HMGXB4: variants seen among roughly 807,000 people sequenced by gnomAD.
HMGXB4 encodes the protein HMG domain-containing protein 4.
HMGXB4 carries 27 observed loss-of-function variants against 63.9 expected under a neutral mutation model. That is an observed-to-expected ratio of 0.42 (90% CI 0.31 to 0.58). The LOEUF (loss-of-function observed/expected upper bound fraction) is 0.58. Among genes scored for constraint, HMGXB4 ranks in the 20% least tolerant of loss-of-function variants. The pLI is 0.13. For missense variants in HMGXB4, 624 were observed against 700.7 expected (o/e 0.89, Z 1.24); for synonymous variants, 264 against 265.3 (o/e 0.99, Z 0.05).
At chr22:35,290,509 G>A (rs1924862102) in intron 9 of HMGXB4, among the ~76,000 whole-genome samples, 1 of 151,900 alleles carries the variant, frequency 6.6e-6, no homozygotes, top group Non-Finnish European at 1.5e-5. Context: ...GCTGGGCGTG[G>A]TGGCGGGCGC....
chr22:35,255,116 T>C (rs139178110), upstream of HMGXB4, among the ~76,000 whole-genome samples: 20 of 152,346 alleles, frequency 1.3e-4, 1 homozygote, highest in East Asian at 3.9e-3. Flanking sequence ...CCTTTACTCA[T>C]AGTGATTGCT....
In HMGXB4 at chr22:35,270,143, C is replaced by T. The variant is rs75350696; in HGVS notation, c.1215+4540C>T. 1.1e-4 allele frequency among the ~76,000 whole-genome samples: 16 copies of T among 152,336 alleles called. No homozygotes were observed. In the East Asian group the frequency reaches 3.1e-3, roughly 29 times the overall value. On this transcript the variant is annotated intron_variant, in intron 5 of 10. Coordinates refer to ENST00000216106, the MANE Select transcript of HMGXB4 (RefSeq NM_001003681.3). Reference sequence around the variant, plus strand: ...TCCGCGGCCTGTGGGGAACCAGCCACATAGCAGGAGTTGAGTGGCGGGCAA... The same window carrying T: ...TCCGCGGCCTGTGGGGAACCAGCCATATAGCAGGAGTTGAGTGGCGGGCAA...
chr22:35,273,688 C>T lies in HMGXB4; in HGVS notation c.1215+8085C>T, dbSNP rs1474172030. Reference sequence around the variant, plus strand: ...AATACCCTACCTTAATATAACCTCCCACCTTTAGGAACCAAATCTGTGATT... The same window carrying T: ...AATACCCTACCTTAATATAACCTCCTACCTTTAGGAACCAAATCTGTGATT... On this transcript the variant is annotated intron_variant, in intron 5 of 10. Transcript: ENST00000216106. Among the ~76,000 whole-genome samples, 10 of 152,158 alleles carry T rather than the reference C, an allele frequency of 6.6e-5. No individual in the cohort carries two copies. The East Asian group carries it at 1.9e-3, about 29-fold the overall frequency.
At chr22:35,290,865 G>A (rs1273329322) in intron 9 of HMGXB4, among the ~76,000 whole-genome samples, 2 of 151,830 alleles carry the variant, frequency 1.3e-5, no homozygotes, top group Non-Finnish European at 2.9e-5. Flanking sequence ...TTTTTTTAAT[G>A]TACATCGTAA....
chr22:35,247,800 T>C, the HMGXB4 span, among the ~76,000 whole-genome samples: 2 of 152,200 alleles, frequency 1.3e-5, no homozygotes, highest in Non-Finnish European at 2.9e-5. Context: ...ATCTGGTCCC[T>C]GTTACTCCAA....
chr22:35,262,519 G>T, intron 2 of HMGXB4, 98 bp downstream of exon 2: 1 of 1,209,192 alleles, frequency 8.3e-7, no homozygotes, highest in Non-Finnish European at 1.2e-6. Context: ...CCACAGCCTG[G>T]ACTCCCAAGT....
At chr22:35,243,854 T>C in the HMGXB4 span, among the ~76,000 whole-genome samples, 1 of 152,350 alleles carries the variant, frequency 6.6e-6, no homozygotes, top group East Asian at 1.9e-4. Flanking sequence ...AACAGTTCTT[T>C]CCTTAATGCA....
intron 5 of HMGXB4, among the ~76,000 whole-genome samples, chr22:35,281,895 A>G (rs1924263901): frequency 6.6e-6 from 1 of 152,220 alleles, no homozygotes; most frequent in African/African-American, 2.4e-5. Flanking sequence ...TATTCATCAA[A>G]TGATTTCAGA....
chr22:35,285,015 ATCATTCAGAAATTTGG>A (rs1924479725), intron 6 of HMGXB4, among the ~76,000 whole-genome samples: 1 of 152,250 alleles, frequency 6.6e-6, no homozygotes, highest in African/African-American at 2.4e-5. Context: ...TTTGGTTCTA[ATCATTCAGAAATTTGG>A]TAAAAACCTA....
At chr22:35,252,872 C>T (rs1326937577), upstream of HMGXB4, among the ~76,000 whole-genome samples, 1 of 152,148 alleles carries the variant, frequency 6.6e-6, no homozygotes, top group Admixed American at 6.5e-5. Flanking sequence ...CATGATGGCA[C>T]GCGCCTGTAA....
At chr22:35,268,007 C>A (rs975900098) in intron 5 of HMGXB4, among the ~76,000 whole-genome samples, 1 of 152,114 alleles carries the variant, frequency 6.6e-6, no homozygotes, top group African/African-American at 2.4e-5. Context: ...TCGCTTGAGC[C>A]CAGGAGGCAG....
In HMGXB4 at chr22:35,265,577, G is replaced by A. The variant is rs1048268320; in HGVS notation, c.1189G>A (p.Asp397Asn). 10 of 1,591,714 alleles carry A rather than the reference G, an allele frequency of 6.3e-6. No homozygotes were observed. In the African/African-American group the frequency reaches 1.2e-4, roughly 20 times the overall value. ...AAAAAAAAAGAAAAAAGAAGAGAAG[G>A]ACAAAGAGAGAGAGAGAGGAGAAAA... ...SEKKKKKEEKDKERERGEKPK... is the reference protein window; with the variant it reads ...SEKKKKKEEKNKERERGEKPK... Residue 397 changes from aspartate to asparagine, a missense_variant, in exon 5 of 11, where the codon GAC (aspartate) becomes AAC (asparagine). Coordinates refer to ENST00000216106, the MANE Select transcript of HMGXB4 (RefSeq NM_001003681.3).
chr22:35,288,204 G>C, intron 8 of HMGXB4, 34 bp from the exon 9 acceptor site: 1 of 1,415,064 alleles, frequency 7.1e-7, no homozygotes, highest in African/African-American at 1.5e-5. Flanking sequence ...CTGTAGGCAA[G>C]TTTTACCTGT....
chr22:35,263,502 C>T (rs1923000375), intron 3 of HMGXB4, among the ~76,000 whole-genome samples: 1 of 152,042 alleles, frequency 6.6e-6, no homozygotes, highest in African/African-American at 2.4e-5. Flanking sequence ...AGGCAGGTCT[C>T]AAACTCCTGA....
chr22:35,287,439 C>G lies in HMGXB4; in HGVS notation c.1455C>G (p.Ser485=), dbSNP rs566365924. 3.1e-6 allele frequency: 5 copies of G among 1,611,990 alleles called. No individual in the cohort carries two copies. In the African/African-American group the frequency reaches 5.3e-5, roughly 17 times the overall value. The change falls in exon 8 of 11, where the codon TCC becomes TCG. Residue 485 remains serine (S), a synonymous_variant. Coordinates refer to ENST00000216106, the MANE Select transcript of HMGXB4 (RefSeq NM_001003681.3). ...GGAAAGCATCCAGCTCAGAAGGTTCCATGAAAGTCAAAGGTAGTGACCACA... is the reference window on the plus strand; with the variant it reads ...GGAAAGCATCCAGCTCAGAAGGTTCGATGAAAGTCAAAGGTAGTGACCACA... ...VKRKASSSEG[S]MKVKASSVGV... is the part of the protein sequence containing the mutation.
intron 4 of HMGXB4, chr22:35,264,131 A>G (rs770462343): frequency 2.2e-5 from 29 of 1,328,606 alleles, no homozygotes; most frequent in Non-Finnish European, 3.0e-5. Context: ...TCATCCACTT[A>G]TCTTGTGCCC....
At chr22:35,261,513 A>G (rs1160118224) in intron 1 of HMGXB4, among the ~76,000 whole-genome samples, 1 of 152,106 alleles carries the variant, frequency 6.6e-6, no homozygotes, top group East Asian at 1.9e-4. Context: ...ATGGACATAT[A>G]AACTCAAATG....
upstream of HMGXB4, among the ~76,000 whole-genome samples, chr22:35,253,144 A>AG (rs1555886254): frequency 3.3e-4 from 42 of 125,376 alleles, 1 homozygote; most frequent in East Asian, 5.0e-3. Context: ...AAAAAAAAAA[A>AG]AAAAAAGAAA....
At chr22:35,266,861 A>G (rs1443706078) in intron 5 of HMGXB4, among the ~76,000 whole-genome samples, 2 of 152,104 alleles carry the variant, frequency 1.3e-5, no homozygotes, top group Non-Finnish European at 2.9e-5. Flanking sequence ...GTGCACATCT[A>G]TAGTCCCAGC....
Sources: allele counts gnomAD v4.1 joint callset (sites outside exome capture counted in the v4.1 genomes callset), GRCh38; gene constraint gnomAD v4.1.1; transcripts MANE v1.5; gene names NCBI Gene and HGNC (gene_info 2026-07-23, HGNC 2026-07-21).